IRAG2: variants seen among roughly 807,000 people sequenced by gnomAD.
The protein encoded by IRAG2 is lymphoid restricted membrane protein.
In IRAG2, 45 loss-of-function variants were observed where a neutral mutation model predicts 69.9. That is an observed-to-expected ratio of 0.64 (90% confidence interval 0.51 to 0.83). The LOEUF (loss-of-function observed/expected upper bound fraction) is 0.83, where lower values mean the gene tolerates loss of function less well. Among genes scored for constraint, IRAG2 ranks in the 40% least tolerant of loss-of-function variants. The pLI is 0.00. For missense variants in IRAG2, 520 were observed against 587.0 expected, an observed-to-expected ratio of 0.89 and a Z score of 1.18; for synonymous variants, 193 against 202.4, an observed-to-expected ratio of 0.95 and a Z score of 0.40.
intron 1 of IRAG2, among the ~76,000 whole-genome samples, chr12:25,053,763 A>T (rs1565538810): frequency 6.6e-6 from 1 of 151,216 alleles, no homozygotes; most frequent in Non-Finnish European, 1.5e-5. Flanking sequence ...AGAAATAAAC[A>T]TTGTTTATTT....
intron 9 of IRAG2, among the ~76,000 whole-genome samples, chr12:25,029,864 G>T (rs979450965): frequency 6.6e-6 from 1 of 152,060 alleles, no homozygotes; most frequent in African/African-American, 2.4e-5. Flanking sequence ...TTTTTAAAAG[G>T]GGAAGAGTCT....
At chr12:25,082,896 T>C (rs1947322720) in intron 9 of IRAG2, among the ~76,000 whole-genome samples, 1 of 152,110 alleles carries the variant, frequency 6.6e-6, no homozygotes, top group South Asian at 2.1e-4. Context: ...ATAAAGTACA[T>C]AAAAATAAAC....
rs766605912 is a variant in IRAG2, at chr12:25,079,276, C to G, written c.57C>G (p.Ser19Arg). 6.2e-7 allele frequency: 1 copy of G among 1,614,010 alleles called. No homozygotes were observed. The highest frequency in any genetic ancestry group is 8.5e-7 in the Non-Finnish European group (1 of 1,179,918). Residue 19 changes from serine (S) to arginine (R), a missense_variant, in exon 7 of 22, where the codon AGC becomes AGG. Transcript: ENST00000556887. Reference sequence around the variant, plus strand: ...GTGTTGAACGCGTGTGTCCTGAGAGCCTGCTGCAGTCCAGGTTTGCTTGTT... The same window carrying G: ...GTGTTGAACGCGTGTGTCCTGAGAGGCTGCTGCAGTCCAGGTTTGCTTGTT... ...ENGVERVCPE[S>R]LLQSREYSSL...
chr12:25,103,767 T>C, intron 17 of IRAG2, 70 bp from the exon 18 acceptor site: 1 of 1,085,502 alleles, frequency 9.2e-7, no homozygotes, highest in Non-Finnish European at 1.4e-6. Context: ...TACAAGGATA[T>C]TTATTGGTGT....
intron 6 of IRAG2, among the ~76,000 whole-genome samples, chr12:25,018,666 A>G (rs1944552308): frequency 1.3e-5 from 2 of 152,256 alleles, no homozygotes; most frequent in South Asian, 4.1e-4. Context: ...AAGTTTCTTT[A>G]ACAAAACTGC....
intron 1 of IRAG2, among the ~76,000 whole-genome samples, chr12:25,061,278 A>G (rs1314283805): frequency 1.3e-5 from 2 of 152,204 alleles, no homozygotes; most frequent in Non-Finnish European, 2.9e-5. Flanking sequence ...TAATCCCAGC[A>G]CTGTGGGAGG....
Position 25,097,832 on chromosome 12 carries a change from G to A in IRAG2, c.741+788G>A, listed in dbSNP as rs148743620. Among the ~76,000 whole-genome samples the A allele has an allele frequency of 1.6e-4, 25 of 152,208 alleles. No individual in the cohort carries two copies. In the South Asian group the frequency reaches 2.1e-3, roughly 13 times the overall value. ...GCTCTATAAGCCTTACTAATTTCCC[G>A]TGATCCAGAGAAACAACTTTCAACT... On this transcript the variant is annotated intron_variant, in intron 15 of 21. Transcript: ENST00000556887.
intron 6 of IRAG2, chr12:25,020,769 C>A: frequency 3.5e-6 from 4 of 1,158,408 alleles, no homozygotes; most frequent in Non-Finnish European, 4.3e-6. Flanking sequence ...TGCTCATGGC[C>A]TTCTCCCCCC....
intron 14 of IRAG2, chr12:25,093,053 C>G (rs1404066341): frequency 6.5e-6 from 1 of 152,764 alleles, no homozygotes; most frequent in Admixed American, 6.5e-5. Context: ...TTGTTGAGTT[C>G]TTCTTTACTA....
In IRAG2 at chr12:25,020,697, A is replaced by G. The variant is rs867730520; in HGVS notation, c.1215-93A>G. The G allele has an allele frequency of 3.2e-4, 157 of 489,828 alleles. 1 individual carries two copies. The Middle Eastern group carries it at 6.8e-3, about 21-fold the overall frequency. 30.3% of individuals were successfully genotyped at this position (489,828 alleles called of 1,614,324 possible). A position where few individuals can be genotyped will look rare whatever the true frequency, so the allele number is the denominator to read the frequency against. On this transcript the variant is annotated intron_variant, in intron 6 of 38. Transcript: ENST00000636465. Reference sequence around the variant, plus strand: ...CTGGTTTAAGCCTTTAGTGGTTTTCAACTTGGGTCCAAAATAGTCCTTGGC... The same window carrying G: ...CTGGTTTAAGCCTTTAGTGGTTTTCGACTTGGGTCCAAAATAGTCCTTGGC...
At chr12:25,086,023 A>C (rs1203132407) in intron 10 of IRAG2, among the ~76,000 whole-genome samples, 3 of 152,048 alleles carry the variant, frequency 2.0e-5, no homozygotes, top group African/African-American at 7.3e-5. Context: ...ACAGAAGAAA[A>C]CTCAAGTCCT....
At chr12:25,036,350 T>A (rs116715003) in intron 14 of IRAG2, among the ~76,000 whole-genome samples, 1 of 152,206 alleles carries the variant, frequency 6.6e-6, no homozygotes, top group Non-Finnish European at 1.5e-5. Flanking sequence ...ATGGGGTTTG[T>A]TCTGGAAAAT....
chr12:25,089,970 C>T (rs1212427722), intron 13 of IRAG2, 87 bp from the exon 14 acceptor site: 1 of 1,404,268 alleles, frequency 7.1e-7, no homozygotes, highest in Non-Finnish European at 9.9e-7. Context: ...AAAGAAATGC[C>T]TCAGTATAAA....
chr12:25,015,615 A>C (rs1277791156), intron 5 of IRAG2, among the ~76,000 whole-genome samples: 1 of 152,248 alleles, frequency 6.6e-6, no homozygotes, highest in African/African-American at 2.4e-5. Flanking sequence ...CACTAGGAAC[A>C]CAAATTCTCG....
At chr12:25,077,279 TATATATGATATATATATGAA>T (rs1946806482) in intron 6 of IRAG2, among the ~76,000 whole-genome samples, 1 of 53,816 alleles carries the variant, frequency 1.9e-5, no homozygotes, top group Admixed American at 2.7e-4. Flanking sequence ...ATATATGAAA[TATATATGATATATATATGAA>T]ATATATATGA....
intron 13 of IRAG2, 69 bp downstream of exon 13, chr12:25,089,859 T>C: frequency 6.6e-7 from 1 of 1,517,268 alleles, no homozygotes; most frequent in Non-Finnish European, 9.1e-7. Context: ...AGTCACTTCA[T>C]GTTTTGGCAC....
chr12:25,009,760 T>C (rs1014856190), intron 2 of IRAG2, among the ~76,000 whole-genome samples: 2 of 151,740 alleles, frequency 1.3e-5, no homozygotes, highest in Admixed American at 6.6e-5. Flanking sequence ...GCCAGCAGGC[T>C]TGAAGCAAGG....
chr12:25,069,883 T>C (rs1946223126), intron 6 of IRAG2, among the ~76,000 whole-genome samples: 1 of 152,166 alleles, frequency 6.6e-6, no homozygotes, highest in African/African-American at 2.4e-5. Flanking sequence ...TAGTAAGGTA[T>C]TAATTGGCAA....
upstream of IRAG2, among the ~76,000 whole-genome samples, chr12:25,050,853 TCCC>T: frequency 6.6e-6 from 1 of 152,050 alleles, no homozygotes. Context: ...GAGGACACTA[TCCC>T]AAGTAAAATA....
Sources: gnomAD v4.1 joint callset for allele counts (sites outside exome capture counted in the v4.1 genomes callset) on GRCh38, gnomAD v4.1.1 for gene constraint, MANE v1.5 for transcripts, NCBI Gene and HGNC (gene_info 2026-07-23, HGNC 2026-07-21) for gene names.